Variants in DAB1 observed in about 807,000 individuals in gnomAD.
DAB1 encodes the protein DAB adaptor protein 1.
Under a neutral mutation model 64.6 loss-of-function variants are expected in DAB1, and 15 were observed. The ratio of observed to expected loss-of-function variants is 0.23; its 90% confidence interval spans 0.16 to 0.36. DAB1 has a LOEUF of 0.36. DAB1 is among the 10% of genes least tolerant of loss of function. The pLI, the probability that DAB1 is intolerant of heterozygous loss-of-function variation, is 1.00. For missense variants in DAB1, 596 were observed against 706.7 expected (o/e 0.84, Z 1.78); for synonymous variants, 235 against 251.9 (o/e 0.93, Z 0.64).
In DAB1 at chr1:57,924,088, G is replaced by C. The variant is rs187799576; in HGVS notation, n.388-39926C>G. On this transcript the variant is annotated intron_variant and non_coding_transcript_variant, in intron 5 of 20. Coordinates refer to the DAB1 transcript ENST00000485760. The stretch of plus-strand genomic sequence containing the variant: ...ATCAAAAAACAAGTAAATAACCTTT[G>C]TATAGCACTTTGACTCCTCATAAAA... Among the ~76,000 whole-genome samples, 124 of 152,270 alleles carry C rather than the reference G, an allele frequency of 8.1e-4. 1 individual carries two copies. The highest frequency in any genetic ancestry group is 3.4e-3 in the Middle Eastern group (1 of 294).
chr1:57,770,658 A>AT (rs930333584), intron 6 of DAB1, among the ~76,000 whole-genome samples: 42 of 152,102 alleles, frequency 2.8e-4, no homozygotes, highest in African/African-American at 1.0e-3. Flanking sequence ...CAGTTCAGGA[A>AT]TTTTTTTTAA....
chr1:57,927,992 A>G (rs960917626), intron 5 of DAB1, among the ~76,000 whole-genome samples: 2 of 152,204 alleles, frequency 1.3e-5, no homozygotes, highest in African/African-American at 4.8e-5. Context: ...TTGAATGCAG[A>G]CATCTATACA....
At chr1:57,158,325 T>G (rs977633495) in intron 2 of DAB1, among the ~76,000 whole-genome samples, 1 of 152,168 alleles carries the variant, frequency 6.6e-6, no homozygotes, top group African/African-American at 2.4e-5. Context: ...TTTGTTGTTG[T>G]TGCCTGGGAA....
chr1:58,098,833 G>C (rs1213764), intron 5 of DAB1, among the ~76,000 whole-genome samples: 42,157 of 152,074 alleles, frequency 0.28, 7,317 homozygotes, highest in East Asian at 0.49. Context: ...ACATTTTCAT[G>C]TCAGACTTCT....
intron 5 of DAB1, among the ~76,000 whole-genome samples, chr1:57,960,171 A>G (rs1645484332): frequency 6.6e-6 from 1 of 152,176 alleles, no homozygotes; most frequent in Admixed American, 6.5e-5. Context: ...CCGTGTGGCA[A>G]TTAGGGCTCA....
chr1:57,311,087 A>AC (rs1397732996), intron 1 of DAB1, among the ~76,000 whole-genome samples: 2 of 152,010 alleles, frequency 1.3e-5, no homozygotes, highest in African/African-American at 2.4e-5. Context: ...TGTCTTTGTG[A>AC]CCCCAAAGCC....
intron 5 of DAB1, among the ~76,000 whole-genome samples, chr1:58,075,594 G>A (rs552697611): frequency 2.0e-5 from 3 of 152,302 alleles, no homozygotes; most frequent in African/African-American, 7.2e-5. Flanking sequence ...TTTGTGTATG[G>A]AATGTTTGTT....
intron 6 of DAB1, among the ~76,000 whole-genome samples, chr1:57,797,960 T>C (rs1397480337): frequency 6.6e-6 from 1 of 152,240 alleles, no homozygotes; most frequent in African/African-American, 2.4e-5. Context: ...GTGCTTAGCA[T>C]GTGCTAGTAG....
At chr1:58,230,523 G>A (rs1157983949) in intron 4 of DAB1, among the ~76,000 whole-genome samples, 1 of 152,118 alleles carries the variant, frequency 6.6e-6, no homozygotes, top group East Asian at 1.9e-4. Flanking sequence ...AGTCCTTATT[G>A]AACGACAGTC....
At chr1:57,154,122 T>C (rs1659982981) in intron 2 of DAB1, among the ~76,000 whole-genome samples, 1 of 152,220 alleles carries the variant, frequency 6.6e-6, no homozygotes, top group African/African-American at 2.4e-5. Flanking sequence ...ATAGTCACCT[T>C]GTTGTGCTAT....
At chr1:57,507,136 TTAGC>T (rs1644353462) in intron 7 of DAB1, among the ~76,000 whole-genome samples, 1 of 152,194 alleles carries the variant, frequency 6.6e-6, no homozygotes, top group African/African-American at 2.4e-5. Context: ...GCCAAAGTCC[TTAGC>T]TTACCGTTCA....
At chr1:57,840,526 A>T (rs906281544) in intron 1 of DAB1, among the ~76,000 whole-genome samples, 1 of 152,194 alleles carries the variant, frequency 6.6e-6, no homozygotes, top group African/African-American at 2.4e-5. Context: ...TGCCATAAAG[A>T]ACTACTTGAG....
At chr1:57,055,781 CA>C (rs1259833109) in intron 9 of DAB1, among the ~76,000 whole-genome samples, 1 of 147,620 alleles carries the variant, frequency 6.8e-6, no homozygotes, top group East Asian at 1.9e-4. Flanking sequence ...TTCATGCATA[CA>C]TTTTTTTTTC....
rs182780060 is a variant in DAB1 at position 58,431,325 on chromosome 1, C to T, written n.257+74735G>A. 1.3e-3 allele frequency among the ~76,000 whole-genome samples: 194 copies of T among 152,064 alleles called. 1 individual carries two copies. Among genetic ancestry groups the T allele is most frequent in the African/African-American group, 4.5e-3 (187 of 41,478 alleles). ...CTATAATCCCAGCACTCTGGGAGGC[C>T]GAGGCAGATGGATCACTATGTCAAG... is the stretch of plus-strand genomic sequence containing the variant. On this transcript the variant is annotated intron_variant and non_coding_transcript_variant, in intron 3 of 20. Transcript: ENST00000485760.
intron 4 of DAB1, among the ~76,000 whole-genome samples, chr1:57,117,794 A>C (rs995432299): frequency 6.6e-6 from 1 of 151,946 alleles, no homozygotes; most frequent in Non-Finnish European, 1.5e-5. Flanking sequence ...TCTCACACTG[A>C]AAATATTTCT....
intron 1 of DAB1, among the ~76,000 whole-genome samples, chr1:57,402,006 A>G (rs1438838535): frequency 6.6e-6 from 1 of 152,242 alleles, no homozygotes; most frequent in African/African-American, 2.4e-5. Context: ...CCATTATACA[A>G]TAGTGACTTA....
At chr1:58,400,850 G>T (rs775867987) in intron 3 of DAB1, among the ~76,000 whole-genome samples, 4 of 151,850 alleles carry the variant, frequency 2.6e-5, no homozygotes, top group Non-Finnish European at 4.4e-5. Flanking sequence ...GAATAATTAC[G>T]CATTTTGATA....
intron 7 of DAB1, among the ~76,000 whole-genome samples, chr1:57,456,014 G>A (rs999729481): frequency 2.0e-5 from 3 of 152,122 alleles, no homozygotes; most frequent in Non-Finnish European, 1.5e-5. Flanking sequence ...TTAAGGCACT[G>A]TGTTTTATTC....
chr1:57,848,975 A>G (rs1653407735), intron 1 of DAB1, among the ~76,000 whole-genome samples: 1 of 152,220 alleles, frequency 6.6e-6, no homozygotes, highest in Non-Finnish European at 1.5e-5. Flanking sequence ...GTCTTACGAT[A>G]TTTGTGGAAA....
Sources: allele counts gnomAD v4.1 joint callset (sites outside exome capture counted in the v4.1 genomes callset), GRCh38; gene constraint gnomAD v4.1.1; transcripts MANE v1.5; gene names NCBI Gene and HGNC (gene_info 2026-07-23, HGNC 2026-07-21).